The following MMP2 variants were observed in gnomAD, a reference collection of about 807,000 sequenced individuals.
The protein encoded by MMP2 is matrix metallopeptidase 2, also known as 72 kDa type IV collagenase.
In MMP2, 39 loss-of-function variants were observed where a neutral mutation model predicts 74.8. That is an observed-to-expected ratio of 0.52 (90% CI 0.40 to 0.68). MMP2 has a LOEUF of 0.68. Among genes scored for constraint, MMP2 ranks in the 30% least tolerant of loss-of-function variants. The probability of loss-of-function intolerance (pLI) is 0.00; values close to 1 mark genes in which losing one functional copy is unlikely to be tolerated. For synonymous variants in MMP2, 367 were observed against 339.8 expected, an observed-to-expected ratio of 1.08 and a Z score of -0.88; for missense variants, 803 against 878.3, an observed-to-expected ratio of 0.91 and a Z score of 1.08.
chr16:55,485,769 C>A lies in MMP2; in HGVS notation c.824C>A (p.Pro275His). ...AAGGATGGCAAGTACGGCTTCTGTC[C>A]CCATGAAGGTGAGCATCCACTCTAG... ...FEKDGKYGFC[P>H]HEALFTMGGN... is the part of the protein sequence containing the mutation. Residue 275 changes from proline to histidine, a missense_variant, in exon 5 of 13, where the codon CCC (proline) becomes CAC (histidine). Pro to His is a moderately conservative substitution (Grantham distance 77). Around this residue, in one of 3 missense-constraint regions of MMP2, gnomAD observed 555 missense variants for 592.0 expected, o/e 0.94. Transcript: ENST00000219070. The A allele has an allele frequency of 6.2e-7, 1 of 1,613,630 alleles. No individual in the cohort carries two copies. The highest frequency in any genetic ancestry group is 1.1e-5 in the South Asian group (1 of 91,066).
At chr16:55,493,011 C>T in intron 8 of MMP2, 147 bp from the exon 9 acceptor site, 2 of 941,824 alleles carry the variant, frequency 2.1e-6, no homozygotes, top group Non-Finnish European at 3.3e-6. Context: ...GTCCAGGCAT[C>T]TTCTTGTTAC....
intron 2 of MMP2, 104 bp from the exon 3 acceptor site, chr16:55,483,912 C>A: frequency 2.4e-6 from 3 of 1,260,436 alleles, no homozygotes; most frequent in East Asian, 4.6e-5. Context: ...CACATACACA[C>A]ACACACTCAA....
intron 1 of MMP2, among the ~76,000 whole-genome samples, chr16:55,481,243 G>C (rs1464465394): frequency 6.6e-6 from 1 of 152,196 alleles, no homozygotes; most frequent in Non-Finnish European, 1.5e-5. Context: ...CCAGAAAAAG[G>C]GTGGGGAGTT....
At chr16:55,504,072 C>T (rs1289968040) in intron 12 of MMP2, among the ~76,000 whole-genome samples, 1 of 152,094 alleles carries the variant, frequency 6.6e-6, no homozygotes, top group Admixed American at 6.5e-5. Context: ...CAGAGAGGAT[C>T]GCTTGAGCCC....
chr16:55,485,448 A>C (rs1223709634), intron 4 of MMP2, 21 bp downstream of exon 4: 2 of 1,613,790 alleles, frequency 1.2e-6, no homozygotes, highest in South Asian at 1.1e-5. Flanking sequence ...GGCCCTCTGC[A>C]TGCCCCAGAC....
At chr16:55,488,474 C>G (rs986846391) in intron 5 of MMP2, 69 bp from the exon 6 acceptor site, 2 of 1,503,654 alleles carry the variant, frequency 1.3e-6, no homozygotes, top group Non-Finnish European at 1.8e-6. Flanking sequence ...GGCAGGTGGG[C>G]AGCCAGCCAG....
At chr16:55,499,358 A>G (rs11639960) in intron 11 of MMP2, among the ~76,000 whole-genome samples, 40,281 of 151,950 alleles carry the variant, frequency 0.27, 6,345 homozygotes, top group Non-Finnish European at 0.35. Context: ...ACATGAAGGC[A>G]GTGGACAAAA....
chr16:55,492,661 G>A lies in MMP2; in HGVS notation c.1337-497G>A, dbSNP rs1596819424. Among the ~76,000 whole-genome samples the A allele has an allele frequency of 2.0e-5, 3 of 152,108 alleles. No homozygotes were observed. In the South Asian group the frequency reaches 6.2e-4, roughly 32 times the overall value. ...GTGAGGGGTGCTGGGTTCAAATGTGGCCTCTGCCCTTCACTAGCTGCAAGA... is the reference window on the plus strand; with the variant it reads ...GTGAGGGGTGCTGGGTTCAAATGTGACCTCTGCCCTTCACTAGCTGCAAGA... On this transcript the variant is annotated intron_variant, in intron 8 of 12. Coordinates refer to ENST00000219070, the MANE Select transcript of MMP2 (RefSeq NM_004530.6).
chr16:55,490,038 A>T (rs1962365969), intron 7 of MMP2, among the ~76,000 whole-genome samples: 1 of 152,158 alleles, frequency 6.6e-6, no homozygotes, highest in African/African-American at 2.4e-5. Flanking sequence ...GTGGAGGCAC[A>T]GCCTCCAAAA....
At chr16:55,479,725 C>A in intron 1 of MMP2, 93 bp downstream of exon 1, 1 of 1,540,328 alleles carries the variant, frequency 6.5e-7, no homozygotes, top group Non-Finnish European at 8.9e-7. Flanking sequence ...CGGCGGTGGG[C>A]ACACAGCGTG....
chr16:55,502,300 C>T (rs17243002), intron 11 of MMP2, among the ~76,000 whole-genome samples: 2,900 of 152,260 alleles, frequency 0.019, 43 homozygotes, highest in South Asian at 0.032. Flanking sequence ...TTTAGCACTC[C>T]TCGGATTACA....
At chr16:55,491,152 C>T (rs1037618831) in intron 7 of MMP2, among the ~76,000 whole-genome samples, 3 of 151,568 alleles carry the variant, frequency 2.0e-5, no homozygotes, top group Admixed American at 6.6e-5. Flanking sequence ...GCAACCTCTG[C>T]CTCCTGGGTT....
rs115266270 is a variant in MMP2 at position 55,488,991 on chromosome 16, T to C, written c.1006+275T>C. On this transcript the variant is annotated intron_variant, in intron 6 of 12. Coordinates refer to ENST00000219070, the MANE Select transcript of MMP2 (RefSeq NM_004530.6). ...CCTGCTCAGGATCCTCTGACCGACC[T>C]GCATCCCTTTTCTCTCAGGCTCTCT... Among the ~76,000 whole-genome samples the C allele has an allele frequency of 4.4e-3, 675 of 152,316 alleles. 5 individuals carry two copies. Among genetic ancestry groups the C allele is most frequent in the African/African-American group, 0.015 (631 of 41,572 alleles).
chr16:55,488,016 A>G (rs1962302021), intron 5 of MMP2: 1 of 200,542 alleles, frequency 5.0e-6, no homozygotes, highest in African/African-American at 2.4e-5. Flanking sequence ...ACTAAGCAAG[A>G]GAGATTGAGA....
chr16:55,500,521 A>ACACACACACACACACACACACGCACG, intron 11 of MMP2, among the ~76,000 whole-genome samples: 1 of 151,834 alleles, frequency 6.6e-6, no homozygotes, highest in African/African-American at 2.4e-5. Context: ...ACACACACAC[A>ACACACACACACACACACACACGCACG]CACACACACA....
rs756426654 is a variant in MMP2, at chr16:55,483,014, G to A, written c.259G>A (p.Gly87Ser). ...GAAGTTCTTTGGACTGCCCCAGACAGGTGATCTTGACCAGAATACCATCGA... is the reference window on the plus strand; with the variant it reads ...GAAGTTCTTTGGACTGCCCCAGACAAGTGATCTTGACCAGAATACCATCGA... ...MQKFFGLPQT[G>S]DLDQNTIETM... Residue 87 changes from glycine to serine, a missense_variant, in exon 2 of 13, where the codon GGT becomes AGT. Physicochemically the swap from Gly to Ser is moderately conservative, Grantham distance 56. Around this residue, in one of 3 missense-constraint regions of MMP2, gnomAD observed 223 missense variants for 232.8 expected, o/e 0.96. Transcript: ENST00000219070. The A allele has an allele frequency of 1.9e-5, 30 of 1,614,200 alleles. No homozygotes were observed. Among genetic ancestry groups the A allele is most frequent in the Non-Finnish European group, 2.4e-5 (28 of 1,180,042 alleles).
chr16:55,496,921 G>A lies in MMP2; in HGVS notation c.1473-5G>A. 6.2e-7 allele frequency: 1 copy of A among 1,613,796 alleles called. No homozygotes were observed. Among genetic ancestry groups the A allele is most frequent in the Non-Finnish European group, 8.5e-7 (1 of 1,180,034 alleles). ...GGTTTCCTGTGCCCCCTTGCCTCCT[G>A]CCAGGTTCATTTGGCGGACTGTGAC... On this transcript the variant is annotated splice_region_variant and splice_polypyrimidine_tract_variant and intron_variant, in intron 9 of 12. Transcript: ENST00000219070.
At position 55,505,506 on chromosome 16, in the gene MMP2, T is replaced by C. The variant is rs1026962459; in HGVS notation, c.*64T>C. 7.0e-6 allele frequency: 10 copies of C among 1,434,162 alleles called. No homozygotes were observed. In the Admixed American group the frequency reaches 1.2e-4, roughly 17 times the overall value. 88.8% of individuals were successfully genotyped at this position (1,434,162 alleles called of 1,614,324 possible). A position where few individuals can be genotyped will look rare whatever the true frequency, so the allele number is the denominator to read the frequency against. Reference sequence around the variant, plus strand: ...CTTCGATACACCGGGCCTGGAGAACTAGAGAAGGACCCGGAGGGGCCTGGC... The same window carrying C: ...CTTCGATACACCGGGCCTGGAGAACCAGAGAAGGACCCGGAGGGGCCTGGC... On this transcript the variant is annotated 3_prime_UTR_variant, in exon 13 of 13. Transcript: ENST00000219070.
chr16:55,497,354 G>A (rs376773624), intron 10 of MMP2, among the ~76,000 whole-genome samples: 19 of 152,100 alleles, frequency 1.2e-4, no homozygotes, highest in African/African-American at 4.6e-4. Flanking sequence ...AAAAGTCTCA[G>A]TTTAGTGCTG....
Sources: allele counts gnomAD v4.1 joint callset (sites outside exome capture counted in the v4.1 genomes callset), GRCh38; gene constraint gnomAD v4.1.1; regional missense constraint gnomAD v4.1.1; transcripts MANE v1.5; gene names NCBI Gene and HGNC (gene_info 2026-07-23, HGNC 2026-07-21).